Variants in ADGRA3 observed in about 807,000 individuals in gnomAD.
ADGRA3 encodes G-protein coupled receptor 125.
In ADGRA3, 56 loss-of-function variants were observed where a neutral mutation model predicts 119.8. That is an observed-to-expected ratio of 0.47 (90% CI 0.38 to 0.58). The LOEUF (loss-of-function observed/expected upper bound fraction) is 0.58. Among genes scored for constraint, ADGRA3 ranks in the 20% least tolerant of loss-of-function variants. The pLI, the probability that ADGRA3 is intolerant of heterozygous loss-of-function variation, is 0.00. For synonymous variants in ADGRA3, 607 were observed against 623.8 expected (o/e 0.97, Z 0.40); for missense variants, 1,516 against 1,649.0 (o/e 0.92, Z 1.40).
chr4:22,415,767 G>A (rs1286680621), intron 12 of ADGRA3, among the ~76,000 whole-genome samples: 3 of 151,630 alleles, frequency 2.0e-5, no homozygotes, highest in East Asian at 1.9e-4. Context: ...GTTAAAATAG[G>A]GAATAACATC....
At chr4:22,444,305 G>A (rs1716745528) in intron 6 of ADGRA3, among the ~76,000 whole-genome samples, 1 of 151,070 alleles carries the variant, frequency 6.6e-6, no homozygotes, top group South Asian at 2.1e-4. Context: ...TTTTTTTTGA[G>A]ATGGAGTTTC....
Position 22,438,719 on chromosome 4 carries a change from T to C in ADGRA3, c.921-299A>G, listed in dbSNP as rs567390740. 1.7e-4 allele frequency among the ~76,000 whole-genome samples: 26 copies of C among 152,254 alleles called. No individual in the cohort carries two copies. The South Asian group carries it at 4.3e-3, about 25-fold the overall frequency. Reference sequence around the variant, plus strand: ...CAGAAATAGGGAGAGCAGAACACTTTACAGAACAGGAATGGCAAGTAATCC... The same window carrying C: ...CAGAAATAGGGAGAGCAGAACACTTCACAGAACAGGAATGGCAAGTAATCC... On this transcript the variant is annotated intron_variant, in intron 7 of 18. Coordinates refer to ENST00000334304, the MANE Select transcript of ADGRA3 (RefSeq NM_145290.4).
intron 1 of ADGRA3, among the ~76,000 whole-genome samples, chr4:22,476,506 A>G (rs1278976078): frequency 6.6e-6 from 1 of 152,304 alleles, no homozygotes; most frequent in Non-Finnish European, 1.5e-5. Context: ...AAATGCTTAC[A>G]AGCTTTTAAA....
chr4:22,484,439 T>C (rs922140930), intron 1 of ADGRA3, among the ~76,000 whole-genome samples: 10 of 152,052 alleles, frequency 6.6e-5, no homozygotes, highest in Admixed American at 2.6e-4. Context: ...ACCCCGTCTC[T>C]ACTAAGAATA....
chr4:22,467,606 C>T (rs1344419845), intron 2 of ADGRA3, among the ~76,000 whole-genome samples: 1 of 152,148 alleles, frequency 6.6e-6, no homozygotes, highest in Non-Finnish European at 1.5e-5. Context: ...TACAAAATAC[C>T]TCTCATGAAT....
intron 12 of ADGRA3, chr4:22,414,719 T>A: frequency 1.6e-6 from 1 of 617,076 alleles, no homozygotes; most frequent in Non-Finnish European, 2.9e-6. Flanking sequence ...GAAAATCTAT[T>A]GCTCAGATGT....
intron 1 of ADGRA3, among the ~76,000 whole-genome samples, chr4:22,484,952 A>G (rs1718384830): frequency 6.6e-6 from 1 of 152,104 alleles, no homozygotes; most frequent in African/African-American, 2.4e-5. Flanking sequence ...ATTCTGCTTC[A>G]AAATTCTCAT....
At chr4:22,399,739 C>T (rs1714533729) in intron 16 of ADGRA3, among the ~76,000 whole-genome samples, 1 of 152,124 alleles carries the variant, frequency 6.6e-6, no homozygotes, top group Non-Finnish European at 1.5e-5. Context: ...GCCTCATAAA[C>T]CCTGATGACT....
chr4:22,440,676 CAAAT>C (rs1204446818), intron 7 of ADGRA3, among the ~76,000 whole-genome samples: 1 of 152,094 alleles, frequency 6.6e-6, no homozygotes, highest in African/African-American at 2.4e-5. Context: ...ATTTTATAGT[CAAAT>C]AATTTAGAGT....
At chr4:22,424,864 G>A (rs376818436) in intron 10 of ADGRA3, among the ~76,000 whole-genome samples, 11 of 152,282 alleles carry the variant, frequency 7.2e-5, no homozygotes, top group East Asian at 5.8e-4. Flanking sequence ...TTGAGGTCAA[G>A]AGTTCGAGAC....
At chr4:22,452,577 A>AT (rs1266103975) in intron 4 of ADGRA3, among the ~76,000 whole-genome samples, 4 of 152,180 alleles carry the variant, frequency 2.6e-5, no homozygotes, top group African/African-American at 9.7e-5. Flanking sequence ...CAGGTATAAG[A>AT]TAACTGGTAA....
At chr4:22,413,105 A>AAAAAAAAT in intron 14 of ADGRA3, 77 bp downstream of exon 14, 1 of 1,146,078 alleles carries the variant, frequency 8.7e-7, no homozygotes, top group Non-Finnish European at 1.3e-6. Context: ...AAAACAAAAA[A>AAAAAAAAT]ACACTTCATT....
chr4:22,495,244 A>G lies in ADGRA3; in HGVS notation c.257+20284T>C, dbSNP rs78049952. ...TCCAGGCAGGATGGAGCAGGACAGCACAAGACTTCTTCCCGCTACTCAGAA... is the reference window on the plus strand; with the variant it reads ...TCCAGGCAGGATGGAGCAGGACAGCGCAAGACTTCTTCCCGCTACTCAGAA... On this transcript the variant is annotated intron_variant, in intron 1 of 18. Coordinates refer to ENST00000334304, the MANE Select transcript of ADGRA3 (RefSeq NM_145290.4). Among the ~76,000 whole-genome samples, 14 of 152,098 alleles carry G rather than the reference A, an allele frequency of 9.2e-5. No individual in the cohort carries two copies. The East Asian group carries it at 2.5e-3, about 27-fold the overall frequency.
intron 11 of ADGRA3, among the ~76,000 whole-genome samples, chr4:22,421,767 C>A (rs550178163): frequency 2.0e-5 from 3 of 150,910 alleles, no homozygotes; most frequent in South Asian, 2.1e-4. Flanking sequence ...GTAGTCCTAG[C>A]GACTCAGGAG....
chr4:22,388,443 G>T lies in ADGRA3; in HGVS notation c.3228C>A (p.Pro1076=). ...SSYSVQVNVQ[P]PNSNGTNGEA... is the part of the protein sequence containing the mutation. ...CTCCATTCGTCCCATTAGAGTTGGG[G>T]GGCTGGACGTTGACTTGCACTGAAT... The change falls in exon 19 of 19, where the codon CCC becomes CCA. Residue 1076 remains proline, a synonymous_variant. Transcript: ENST00000334304. The T allele has an allele frequency of 6.2e-7, 1 of 1,614,018 alleles. No homozygotes were observed. Among genetic ancestry groups the T allele is most frequent in the Non-Finnish European group, 8.5e-7 (1 of 1,179,978 alleles).
At chr4:22,426,139 T>C (rs945691063) in intron 10 of ADGRA3, among the ~76,000 whole-genome samples, 2 of 152,186 alleles carry the variant, frequency 1.3e-5, no homozygotes, top group African/African-American at 2.4e-5. Flanking sequence ...TTTAAGATGA[T>C]AGACTCTAGA....
intron 3 of ADGRA3, among the ~76,000 whole-genome samples, chr4:22,458,306 CT>C (rs1167601024): frequency 6.6e-6 from 1 of 152,132 alleles, no homozygotes; most frequent in African/African-American, 2.4e-5. Context: ...GCTGCTGCCC[CT>C]CAACTCCCTA....
chr4:22,492,274 TAGAC>T (rs1393276563), intron 1 of ADGRA3, among the ~76,000 whole-genome samples: 1 of 152,240 alleles, frequency 6.6e-6, no homozygotes, highest in East Asian at 1.9e-4. Flanking sequence ...ATACTGGAAA[TAGAC>T]AGATCTTAAA....
At position 22,506,698 on chromosome 4, in the gene ADGRA3, A is replaced by G. The variant is rs148514739; in HGVS notation, c.257+8830T>C. 1.1e-3 allele frequency among the ~76,000 whole-genome samples: 168 copies of G among 152,218 alleles called. 1 individual carries two copies. Among genetic ancestry groups the G allele is most frequent in the African/African-American group, 3.8e-3 (158 of 41,534 alleles). On this transcript the variant is annotated intron_variant, in intron 1 of 18. Transcript: ENST00000334304. ...CTGTCCCACTCTACCCGCTACACAT[A>G]GGTAATTCCCTTACTAGACATGCAA...
Sources: gnomAD v4.1 joint callset for allele counts (sites outside exome capture counted in the v4.1 genomes callset) on GRCh38, gnomAD v4.1.1 for gene constraint, MANE v1.5 for transcripts, NCBI Gene and HGNC (gene_info 2026-07-23, HGNC 2026-07-21) for gene names.